The following CNOT6L variants were observed in gnomAD, a reference collection of about 807,000 sequenced individuals.
The protein encoded by CNOT6L is CCR4-NOT transcription complex subunit 6 like.
Under a neutral mutation model 64.0 loss-of-function variants are expected in CNOT6L, and 7 were observed. The ratio of observed to expected loss-of-function variants is 0.11; its 90% CI spans 0.06 to 0.21. The LOEUF is 0.21. CNOT6L is among the 10% of genes least tolerant of loss of function. CNOT6L has a pLI of 1.00. For synonymous variants in CNOT6L, 193 were observed against 243.4 expected (o/e 0.79, Z 1.93); for missense variants, 245 against 669.0 (o/e 0.37, Z 6.99).
chr4:77,792,812 C>G (rs1730322739), intron 1 of CNOT6L, among the ~76,000 whole-genome samples: 1 of 151,050 alleles, frequency 6.6e-6, no homozygotes, highest in African/African-American at 2.4e-5. Context: ...CATAACAAAT[C>G]ACAGTTTTCT....
chr4:77,770,776 A>C (rs569867649), intron 4 of CNOT6L, among the ~76,000 whole-genome samples: 7 of 152,252 alleles, frequency 4.6e-5, no homozygotes, highest in African/African-American at 7.2e-5. Flanking sequence ...ATCAGTAGAC[A>C]AAATGCCACT....
chr4:77,739,696 C>T (rs1723365848), intron 8 of CNOT6L, among the ~76,000 whole-genome samples: 1 of 152,174 alleles, frequency 6.6e-6, no homozygotes, highest in South Asian at 2.1e-4. Flanking sequence ...GTATCACATT[C>T]AATCTGTTGC....
intron 4 of CNOT6L, among the ~76,000 whole-genome samples, chr4:77,767,260 G>T (rs575743103): frequency 3.3e-5 from 5 of 152,142 alleles, no homozygotes; most frequent in African/African-American, 7.2e-5. Context: ...ATACAATTAA[G>T]ATGTCAATTC....
At chr4:77,798,030 T>G (rs1731067458) in intron 1 of CNOT6L, among the ~76,000 whole-genome samples, 1 of 152,178 alleles carries the variant, frequency 6.6e-6, no homozygotes, top group Non-Finnish European at 1.5e-5. Context: ...TTGAAAAACA[T>G]TATTAGGAAA....
At chr4:77,782,777 C>A (rs1237108919) in intron 1 of CNOT6L, among the ~76,000 whole-genome samples, 1 of 151,868 alleles carries the variant, frequency 6.6e-6, no homozygotes, top group African/African-American at 2.4e-5. Context: ...CTACAACCAA[C>A]TATAGTATTT....
At chr4:77,770,494 C>T (rs1049113394) in intron 4 of CNOT6L, among the ~76,000 whole-genome samples, 1 of 152,164 alleles carries the variant, frequency 6.6e-6, no homozygotes. Flanking sequence ...CCTGCTATTA[C>T]CATCTTAAAC....
At chr4:77,742,792 A>T (rs763896553) in intron 7 of CNOT6L, among the ~76,000 whole-genome samples, 8 of 152,222 alleles carry the variant, frequency 5.3e-5, no homozygotes, top group Non-Finnish European at 8.8e-5. Context: ...TTAAGTACCT[A>T]AATCGCAATC....
At chr4:77,748,071 G>A (rs1446613991) in intron 6 of CNOT6L, among the ~76,000 whole-genome samples, 1 of 152,082 alleles carries the variant, frequency 6.6e-6, no homozygotes, top group East Asian at 1.9e-4. Context: ...CTATGAAGAT[G>A]CTATTTGGAA....
intron 1 of CNOT6L, among the ~76,000 whole-genome samples, chr4:77,780,080 T>C (rs1230334062): frequency 2.0e-5 from 3 of 152,178 alleles, no homozygotes; most frequent in Admixed American, 6.5e-5. Context: ...CTTGTAGGCA[T>C]ACCACAAAAA....
chr4:77,786,560 A>C (rs1236216699), intron 1 of CNOT6L, among the ~76,000 whole-genome samples: 1 of 151,936 alleles, frequency 6.6e-6, no homozygotes, highest in Admixed American at 6.6e-5. Context: ...TGGAGTCTTG[A>C]CCTCCTGGGT....
At chr4:77,789,594 A>G (rs192597007) in intron 1 of CNOT6L, among the ~76,000 whole-genome samples, 1 of 151,592 alleles carries the variant, frequency 6.6e-6, no homozygotes, top group African/African-American at 2.4e-5. Context: ...CAGGAGGTTA[A>G]GGCTGCAGTG....
At chr4:77,789,781 T>C (rs1491001008) in intron 1 of CNOT6L, among the ~76,000 whole-genome samples, 1 of 151,766 alleles carries the variant, frequency 6.6e-6, no homozygotes, top group Non-Finnish European at 1.5e-5. Flanking sequence ...CAAAACCCTG[T>C]CTCTACAAAA....
intron 1 of CNOT6L, among the ~76,000 whole-genome samples, chr4:77,782,641 CTTTTT>C (rs3048223): frequency 6.2e-4 from 87 of 141,240 alleles, no homozygotes; most frequent in Non-Finnish European, 7.5e-4. Context: ...AGTGCCTAGC[CTTTTT>C]TTTTTTTTTT....
intron 5 of CNOT6L, among the ~76,000 whole-genome samples, chr4:77,753,107 G>A (rs1353596032): frequency 7.4e-6 from 1 of 135,410 alleles, no homozygotes; most frequent in Non-Finnish European, 1.6e-5. Context: ...ACAACTTTCA[G>A]AAACTCATAG....
rs1034126388 is a variant in CNOT6L at position 77,718,913 on chromosome 4, T to C, written c.*1518A>G. On this transcript the variant is annotated 3_prime_UTR_variant, in exon 12 of 12. Transcript: ENST00000504123. ...ATTAGTGAGACACAAATATAGGCTA[T>C]TGTCTTTTAAAATTTCATTCACATA... 3.9e-5 allele frequency: 6 copies of C among 152,616 alleles called. No homozygotes were observed. Among genetic ancestry groups the C allele is most frequent in the African/African-American group, 1.4e-4 (6 of 41,454 alleles). The allele number at this position is 152,616 out of a possible 1,614,324, so 9.5% of individuals were successfully genotyped here.
At position 77,714,496 on chromosome 4, in the gene CNOT6L, CCA is replaced by C. The variant is rs1720543566; in HGVS notation, c.*5933_*5934del. 6.9e-6 allele frequency: 1 copy of C among 144,950 alleles called. No individual in the cohort carries two copies. Among genetic ancestry groups the C allele is most frequent in the South Asian group, 2.2e-4 (1 of 4,464 alleles). The allele number at this position is 144,950 out of a possible 1,614,324, so 9.0% of individuals were successfully genotyped here. A position where few individuals can be genotyped will look rare whatever the true frequency, so the allele number is the denominator to read the frequency against. The stretch of plus-strand genomic sequence containing the variant: ...AAAAAGCCCTCCATACTTCCCCACT[CCA>C]GAGACAACAAAGCCAAAGATGAAAC... On this transcript the variant is annotated 3_prime_UTR_variant, in exon 12 of 12. Coordinates refer to ENST00000504123, the MANE Select transcript of CNOT6L (RefSeq NM_144571.3).
chr4:77,733,004 C>G (rs887741454), intron 8 of CNOT6L, among the ~76,000 whole-genome samples: 1 of 152,056 alleles, frequency 6.6e-6, no homozygotes, highest in African/African-American at 2.4e-5. Flanking sequence ...CAAGAGAAAT[C>G]AAGAGGAGTG....
Position 77,717,730 on chromosome 4 carries a change from C to A in CNOT6L, c.*2701G>T, listed in dbSNP as rs1347779070. The A allele has an allele frequency of 6.6e-6, 1 of 152,426 alleles. No individual in the cohort carries two copies. Among genetic ancestry groups the A allele is most frequent in the African/African-American group, 2.4e-5 (1 of 41,368 alleles). 9.4% of individuals were successfully genotyped at this position (152,426 alleles called of 1,614,324 possible). On this transcript the variant is annotated 3_prime_UTR_variant, in exon 12 of 12. Coordinates refer to ENST00000504123, the MANE Select transcript of CNOT6L (RefSeq NM_144571.3). ...CTGAATTGGCAGCTCAAAACAGATA[C>A]CACTCCTTTTACAAAGGGAACAAAG...
intron 4 of CNOT6L, among the ~76,000 whole-genome samples, chr4:77,763,616 T>C (rs555721831): frequency 6.6e-6 from 1 of 152,144 alleles, no homozygotes; most frequent in East Asian, 1.9e-4. Flanking sequence ...TCTAAAGACA[T>C]AGGAAATCTG....
Sources: gnomAD v4.1 joint callset for allele counts (sites outside exome capture counted in the v4.1 genomes callset) on GRCh38, gnomAD v4.1.1 for gene constraint, MANE v1.5 for transcripts, NCBI Gene and HGNC (gene_info 2026-07-23, HGNC 2026-07-21) for gene names.